The following SIRPB1 variants were observed in gnomAD, a reference collection of about 807,000 sequenced individuals.
The protein encoded by SIRPB1 is signal regulatory protein beta 1.
A neutral mutation model predicts 34.1 loss-of-function variants in SIRPB1; 28 were observed. The observed-to-expected ratio is 0.82, with a 90% confidence interval of 0.61 to 1.12. The LOEUF (loss-of-function observed/expected upper bound fraction) is 1.12, where lower values mean the gene tolerates loss of function less well. SIRPB1 is among the 50% of genes most tolerant of loss of function. SIRPB1 has a pLI of 0.00. For synonymous variants in SIRPB1, 211 were observed against 203.8 expected (o/e 1.04, Z -0.30); for missense variants, 499 against 507.0 (o/e 0.98, Z 0.15).
At position 1,598,396 on chromosome 20, in the gene SIRPB1, T is replaced by C. The variant is rs945675607; in HGVS notation, c.77-19702A>G. 6.7e-4 allele frequency: 186 copies of C among 276,036 alleles called. 80 individuals are homozygous for C. Among genetic ancestry groups the C allele is most frequent in the Non-Finnish European group, 7.9e-4 (184 of 233,708 alleles). The allele number at this position is 276,036 out of a possible 1,614,324, so 17.1% of individuals were successfully genotyped here. ...CACTCAGGCACACAGAGGGTCAGAATGGGTACAGCCCTAAGAGCTGCCCAT... is the reference window on the plus strand; with the variant it reads ...CACTCAGGCACACAGAGGGTCAGAACGGGTACAGCCCTAAGAGCTGCCCAT... On this transcript the variant is annotated intron_variant, in intron 1 of 5. Coordinates refer to ENST00000381605, the MANE Select transcript of SIRPB1 (RefSeq NM_006065.5).
At position 1,571,441 on chromosome 20, in the gene SIRPB1, C is replaced by G. The variant is rs555979360; in HGVS notation, c.751+279G>C. 5.3e-4 allele frequency among the ~76,000 whole-genome samples: 80 copies of G among 152,276 alleles called. 2 individuals carry two copies. In the South Asian group the frequency reaches 0.016, roughly 31 times the overall value. Reference sequence around the variant, plus strand: ...ACTGTAGCAAAATCAGTGAAATCGCCGAGCACATAGTGATTTGGCTCCTAG... The same window carrying G: ...ACTGTAGCAAAATCAGTGAAATCGCGGAGCACATAGTGATTTGGCTCCTAG... On this transcript the variant is annotated intron_variant, in intron 3 of 5. Coordinates refer to ENST00000381605, the MANE Select transcript of SIRPB1 (RefSeq NM_006065.5).
Position 1,611,205 on chromosome 20 carries a change from A to G in SIRPB1, c.76+8664T>C, listed in dbSNP as rs2091558752. On this transcript the variant is annotated intron_variant, in intron 1 of 5. Transcript: ENST00000381605. ...ACTGCCATGACATCTCCAAGCCTCA[A>G]CTCATGTGATCTGGAGAAGGGGTGA... Among the ~76,000 whole-genome samples the G allele has an allele frequency of 2.8e-5, 2 of 72,052 alleles. 1 individual carries two copies. Among genetic ancestry groups the G allele is most frequent in the Non-Finnish European group, 5.2e-5 (2 of 38,452 alleles). 47.3% of individuals were successfully genotyped at this position (72,052 alleles called of 152,430 possible). A position where few individuals can be genotyped will look rare whatever the true frequency, so the allele number is the denominator to read the frequency against.
intron 2 of SIRPB1, among the ~76,000 whole-genome samples, chr20:1,576,824 T>C (rs757534226): frequency 1.3e-5 from 2 of 148,260 alleles, no homozygotes; most frequent in Non-Finnish European, 3.0e-5. Flanking sequence ...AATTAGGCAA[T>C]ATTCTCAAAT....
chr20:1,616,961 A>T (rs759299306), intron 1 of SIRPB1, among the ~76,000 whole-genome samples: 1 of 152,214 alleles, frequency 6.6e-6, no homozygotes, highest in Non-Finnish European at 1.5e-5. Context: ...CTTACTATTC[A>T]TCTGGTAAAT....
At chr20:1,619,750 A>G in intron 1 of SIRPB1, 119 bp downstream of exon 1, 1 of 692,520 alleles carries the variant, frequency 1.4e-6, no homozygotes. Context: ...CTCTCAGTCA[A>G]AGCCTAATCC....
At chr20:1,576,632 C>T (rs1394060101) in intron 2 of SIRPB1, among the ~76,000 whole-genome samples, 2 of 148,500 alleles carry the variant, frequency 1.3e-5, no homozygotes, top group Admixed American at 6.7e-5. Flanking sequence ...TGGGGCCAGG[C>T]ATGGTGGCTC....
Position 1,566,269 on chromosome 20 carries a change from TG to T in SIRPB1, c.1085-3del, listed in dbSNP as rs769123913. 6.3e-7 allele frequency: 1 copy of T among 1,585,490 alleles called. No homozygotes were observed. The highest frequency in any genetic ancestry group is 1.3e-5 in the African/African-American group (1 of 74,706). On this transcript the variant is annotated splice_region_variant and splice_polypyrimidine_tract_variant and intron_variant, in intron 4 of 5. Transcript: ENST00000381605. The stretch of plus-strand genomic sequence containing the variant: ...GAGCAGTAGGAGCCAGCGCTGCTTC[TG>T]GAAATCAGGGAAGAGGAGGAGCCAT...
chr20:1,618,944 A>C (rs1177657700), intron 1 of SIRPB1, among the ~76,000 whole-genome samples: 1 of 152,230 alleles, frequency 6.6e-6, no homozygotes, highest in African/African-American at 2.4e-5. Context: ...TGAACGTTAC[A>C]GTTTGGGAGA....
intron 1 of SIRPB1, among the ~76,000 whole-genome samples, chr20:1,616,284 G>A (rs1208176841): frequency 1.3e-5 from 2 of 152,144 alleles, no homozygotes; most frequent in African/African-American, 2.4e-5. Context: ...AAAGACTGGA[G>A]GCATCACATT....
Position 1,561,802 on chromosome 20 carries a change from G to GTAAAGTTAT in SIRPB1, c.*3689_*3697dup, listed in dbSNP as rs1396362032. Among the ~76,000 whole-genome samples the GTAAAGTTAT allele has an allele frequency of 6.6e-6, 1 of 152,136 alleles. No homozygotes were observed. Among genetic ancestry groups the GTAAAGTTAT allele is most frequent in the Admixed American group, 6.6e-5 (1 of 15,264 alleles). On this transcript the variant is annotated 3_prime_UTR_variant, in exon 6 of 6. Coordinates refer to ENST00000381605, the MANE Select transcript of SIRPB1 (RefSeq NM_006065.5). ...GCTGTATTTGTCAGATTTTTCCACT[G>GTAAAGTTAT]TAAAGTTATTTTTTCTCCTTTTTTC...
chr20:1,618,169 G>A (rs1393582976), intron 1 of SIRPB1, among the ~76,000 whole-genome samples: 1 of 152,118 alleles, frequency 6.6e-6, no homozygotes, highest in East Asian at 1.9e-4. Context: ...AAAATATGTG[G>A]CCCATAGAAA....
chr20:1,614,722 G>A lies in SIRPB1; in HGVS notation c.76+5147C>T, dbSNP rs187452206. 2.7e-3 allele frequency among the ~76,000 whole-genome samples: 406 copies of A among 152,046 alleles called. 1 individual carries two copies. The highest frequency in any genetic ancestry group is 4.0e-3 in the Non-Finnish European group (274 of 67,986). ...GTGATCCTCAAAATTCAACCAGCAG[G>A]AATCACTCTAACATTTTCAATAGTA... On this transcript the variant is annotated intron_variant, in intron 1 of 5. Coordinates refer to ENST00000381605, the MANE Select transcript of SIRPB1 (RefSeq NM_006065.5).
intron 1 of SIRPB1, among the ~76,000 whole-genome samples, chr20:1,617,967 A>ATATATATACACACACATATATG (rs1491461924): frequency 6.6e-6 from 1 of 152,150 alleles, no homozygotes; most frequent in Non-Finnish European, 1.5e-5. Flanking sequence ...ACATTTGCAA[A>ATATATATACACACACATATATG]TATATATACA....
chr20:1,617,017 G>C (rs1048318878), intron 1 of SIRPB1, among the ~76,000 whole-genome samples: 2 of 152,142 alleles, frequency 1.3e-5, no homozygotes, highest in Non-Finnish European at 2.9e-5. Flanking sequence ...TTGTTAGAAT[G>C]GCTACTATAA....
At position 1,619,920 on chromosome 20, in the gene SIRPB1, G is replaced by T. The variant is rs1252853179; in HGVS notation, c.25C>A (p.His9Asn). Residue 9 changes from histidine to asparagine, a missense_variant, in exon 1 of 6, where the codon CAC (histidine) becomes AAC (asparagine). Transcript: ENST00000381605. ...ATCAGCAGGAAAGGACTAGGAAGGT[G>T]GGGCCAGGAGGCTGGCACGGGCATT... is the stretch of plus-strand genomic sequence containing the variant. MPVPASWP[H>N]LPSPFLLMTL... The T allele has an allele frequency of 6.2e-7, 1 of 1,613,886 alleles. No individual in the cohort carries two copies. The highest frequency in any genetic ancestry group is 2.2e-5 in the East Asian group (1 of 44,862).
intron 4 of SIRPB1, among the ~76,000 whole-genome samples, chr20:1,568,466 G>C (rs2091174885): frequency 6.6e-6 from 1 of 152,190 alleles, no homozygotes; most frequent in African/African-American, 2.4e-5. Flanking sequence ...GCCCCAGTGG[G>C]TGGTTGGAAG....
chr20:1,591,646 C>T lies in SIRPB1; in HGVS notation c.77-12952G>A, dbSNP rs1431444863. On this transcript the variant is annotated intron_variant, in intron 1 of 5. Coordinates refer to ENST00000381605, the MANE Select transcript of SIRPB1 (RefSeq NM_006065.5). ...GCTTTTGGGCAGTGAAGAATGTCAC[C>T]GGTAGAGTAATGATTGGACTATGTT... 1.5e-4 allele frequency: 8 copies of T among 52,890 alleles called. 3 individuals are homozygous for T. Among genetic ancestry groups the T allele is most frequent in the Admixed American group, 1.2e-4 (1 of 8,360 alleles). 3.3% of individuals were successfully genotyped at this position (52,890 alleles called of 1,614,324 possible).
chr20:1,613,593 A>G lies in SIRPB1; in HGVS notation c.76+6276T>C, dbSNP rs139945642. Among the ~76,000 whole-genome samples the G allele has an allele frequency of 1.6e-3, 251 of 152,306 alleles. 2 individuals carry two copies. The highest frequency in any genetic ancestry group is 5.7e-3 in the African/African-American group (237 of 41,558). On this transcript the variant is annotated intron_variant, in intron 1 of 5. Coordinates refer to ENST00000381605, the MANE Select transcript of SIRPB1 (RefSeq NM_006065.5). ...AGGAATTGAAAGTACAATAACTAAA[A>G]GTTCACTAGAGGGGTCCCCCAGTGG...
Position 1,566,267 on chromosome 20 carries a change from T to C in SIRPB1, c.1085A>G (p.Glu362Gly), listed in dbSNP as rs1490340801. 6.3e-7 allele frequency: 1 copy of C among 1,588,102 alleles called. No homozygotes were observed. The part of the protein sequence containing the change: ...QKEHGSDITH[E>G]AALAPTAPLL... ...TGGAGCAGTAGGAGCCAGCGCTGCT[T>C]CTGGAAATCAGGGAAGAGGAGGAGC... Residue 362 changes from glutamate to glycine, a missense_variant and splice_region_variant, in exon 5 of 6, where the codon GAA becomes GGA. Glu to Gly is a moderately conservative substitution (Grantham distance 98). Coordinates refer to ENST00000381605, the MANE Select transcript of SIRPB1 (RefSeq NM_006065.5).
Sources: gnomAD v4.1 joint callset for allele counts (sites outside exome capture counted in the v4.1 genomes callset) on GRCh38, gnomAD v4.1.1 for gene constraint, MANE v1.5 for transcripts, NCBI Gene and HGNC (gene_info 2026-07-23, HGNC 2026-07-21) for gene names.